The following ZKSCAN3 variants were observed in gnomAD, a reference collection of about 807,000 sequenced individuals.
ZKSCAN3 encodes the protein zinc finger with KRAB and SCAN domains 3.
Under a neutral mutation model 30.7 loss-of-function variants are expected in ZKSCAN3, and 21 were observed. That is an observed-to-expected ratio of 0.68 (90% CI 0.49 to 0.99). ZKSCAN3 has a LOEUF of 0.99. Among genes scored for constraint, ZKSCAN3 ranks in the 50% least tolerant of loss-of-function variants. The pLI is 0.00. For synonymous variants in ZKSCAN3, 201 were observed against 246.7 expected, an observed-to-expected ratio of 0.81 and a Z score of 1.73; for missense variants, 507 against 647.1, an observed-to-expected ratio of 0.78 and a Z score of 2.35.
In ZKSCAN3 at chr6:28,351,832, C is replaced by T. The variant is rs1765042196; in HGVS notation, c.-63+1765C>T. 6.6e-6 allele frequency among the ~76,000 whole-genome samples: 1 copy of T among 152,094 alleles called. No homozygotes were observed. On this transcript the variant is annotated intron_variant, in intron 1 of 5. Transcript: ENST00000252211. The surrounding 1 kb of genome is among the most constrained non-coding windows in gnomAD (Gnocchi z 4.6). ...AGATGGAAACATTTTAGTTCACTCA[C>T]AAGTACAAGTACTTCAGTGTCAATT...
At chr6:28,361,003 G>A (rs1487153046) in intron 2 of ZKSCAN3, among the ~76,000 whole-genome samples, 1 of 137,042 alleles carries the variant, frequency 7.3e-6, no homozygotes, top group Non-Finnish European at 1.6e-5. Context: ...TGAGAATTTT[G>A]CACCAGTTTC....
At chr6:28,361,219 A>T in intron 2 of ZKSCAN3, 105 bp from the exon 3 acceptor site, 2 of 1,252,144 alleles carry the variant, frequency 1.6e-6, no homozygotes, top group Non-Finnish European at 2.2e-6. Flanking sequence ...TTTCTGCGTT[A>T]AATGAGTTAA....
intron 5 of ZKSCAN3, 89 bp from the exon 6 acceptor site, chr6:28,365,337 G>T: frequency 2.0e-6 from 3 of 1,501,482 alleles, no homozygotes; most frequent in Non-Finnish European, 2.7e-6. Context: ...GGCATTTATA[G>T]ACCTCTGTAA....
At chr6:28,360,857 A>T (rs1247171589) in intron 2 of ZKSCAN3, among the ~76,000 whole-genome samples, 1 of 152,230 alleles carries the variant, frequency 6.6e-6, no homozygotes, top group Non-Finnish European at 1.5e-5. Context: ...AATGTCTGGA[A>T]GGAAACCTGC....
chr6:28,360,913 G>T (rs1289696987), intron 2 of ZKSCAN3, among the ~76,000 whole-genome samples: 2 of 152,192 alleles, frequency 1.3e-5, no homozygotes, highest in Non-Finnish European at 2.9e-5. Flanking sequence ...CACGTACTGT[G>T]ATGTTGTTTG....
chr6:28,359,848 C>A lies in ZKSCAN3; in HGVS notation c.262C>A (p.Leu88Met). The A allele has an allele frequency of 6.2e-7, 1 of 1,608,960 alleles. No individual in the cohort carries two copies. The highest frequency in any genetic ancestry group is 8.5e-7 in the Non-Finnish European group (1 of 1,176,174). The change falls in exon 2 of 6, where the codon CTG becomes ATG. Residue 88 changes from leucine to methionine, a missense_variant. Leu to Met is a conservative substitution (Grantham distance 15). Coordinates refer to ENST00000252211, the MANE Select transcript of ZKSCAN3 (RefSeq NM_024493.4). ...GCACAGCAAGGAGCAGATCCTGGAG[C>A]TGCTGGTGCTGGAGCAGTTCCTGAC... ...EMHSKEQILELLVLEQFLTIL... is the reference protein window; with the variant it reads ...EMHSKEQILEMLVLEQFLTIL...
chr6:28,364,231 C>T (rs535931142), intron 5 of ZKSCAN3, among the ~76,000 whole-genome samples: 2 of 152,252 alleles, frequency 1.3e-5, no homozygotes, highest in Admixed American at 1.3e-4. Flanking sequence ...CTGCCTTGTC[C>T]CCTCAAAATG....
In ZKSCAN3 at chr6:28,366,123, T is replaced by A. The variant is rs1175410081; in HGVS notation, c.1455T>A (p.Cys485Ter). Residue 485 changes from cysteine (C) to a stop codon, truncating the protein, a stop_gained, in exon 6 of 6, where the codon TGT (cysteine) becomes TGA (stop). Transcript: ENST00000252211. LOFTEE classifies it low-confidence loss of function (END_TRUNC). ...ETPMSYKCNE[C>*]ERSFTQNTGL... ...CCATGTCTTATAAATGTAATGAGTGTGAAAGAAGTTTCACTCAGAATACAG... is the reference window on the plus strand; with the variant it reads ...CCATGTCTTATAAATGTAATGAGTGAGAAAGAAGTTTCACTCAGAATACAG... 1 of 1,610,686 alleles carries A rather than the reference T, an allele frequency of 6.2e-7. No homozygotes were observed. The highest frequency in any genetic ancestry group is 1.3e-5 in the African/African-American group (1 of 74,542).
Position 28,352,964 on chromosome 6 carries a change from C to CTT in ZKSCAN3, c.-63+2913_-63+2914dup, listed in dbSNP as rs5875156. Among the ~76,000 whole-genome samples, 222 of 129,888 alleles carry CTT rather than the reference C, an allele frequency of 1.7e-3. 3 individuals are homozygous for CTT. In the East Asian group the frequency reaches 0.038, roughly 22 times the overall value. The allele number at this position is 129,888 out of a possible 152,430, so 85.2% of individuals were successfully genotyped here. ...CTTACATTTCTTTTCTTTTCTTTTTCTTTTTTTTTTTTTTTTTGAGGCAGA... is the reference window on the plus strand; with the variant it reads ...CTTACATTTCTTTTCTTTTCTTTTTCTTTTTTTTTTTTTTTTTTTGAGGCAGA... On this transcript the variant is annotated intron_variant, in intron 1 of 5. Transcript: ENST00000252211.
intron 1 of ZKSCAN3, 29 bp from the exon 2 acceptor site, chr6:28,359,496 C>CTGGT: frequency 2.7e-6 from 4 of 1,500,856 alleles, no homozygotes; most frequent in Non-Finnish European, 3.6e-6. Flanking sequence ...TGCAAGTTTA[C>CTGGT]TGGTTAATAA....
chr6:28,353,582 ATT>A (rs1765207322), intron 1 of ZKSCAN3: 1 of 272,572 alleles, frequency 3.7e-6, no homozygotes, highest in African/African-American at 2.2e-5. Context: ...GAAGGAGTAG[ATT>A]AGGAAGCAAG....
At chr6:28,358,027 T>G (rs1765539134) in intron 1 of ZKSCAN3, among the ~76,000 whole-genome samples, 1 of 152,214 alleles carries the variant, frequency 6.6e-6, no homozygotes, top group Non-Finnish European at 1.5e-5. Flanking sequence ...TTCTTCCCCT[T>G]ACTACAGTAC....
chr6:28,359,729 G>A lies in ZKSCAN3; in HGVS notation c.143G>A (p.Arg48His). The A allele has an allele frequency of 1.2e-6, 2 of 1,614,124 alleles. No homozygotes were observed. The highest frequency in any genetic ancestry group is 1.7e-4 in the Middle Eastern group (1 of 6,058). The change falls in exon 2 of 6, where the codon CGC (arginine) becomes CAC (histidine). Residue 48 changes from arginine (R) to histidine (H), a missense_variant. Physicochemically the swap from Arg to His is conservative, Grantham distance 29 (BLOSUM62 0). Transcript: ENST00000252211. Reference sequence around the variant, plus strand: ...CTGGGTTCTGAGGGCTCCCGCGAGCGCTTCCGAGGCTTCCGCTACCCGGAG... The same window carrying A: ...CTGGGTTCTGAGGGCTCCCGCGAGCACTTCCGAGGCTTCCGCTACCCGGAG... ...PDLGSEGSRE[R>H]FRGFRYPEAA...
At chr6:28,356,046 C>A (rs776587257) in intron 1 of ZKSCAN3, 29 of 152,416 alleles carry the variant, frequency 1.9e-4, no homozygotes, top group Non-Finnish European at 3.4e-4. Context: ...TTTCACTGAC[C>A]AGCTTTCATA....
intron 1 of ZKSCAN3, among the ~76,000 whole-genome samples, chr6:28,359,318 T>C (rs1308467612): frequency 6.6e-6 from 1 of 152,012 alleles, no homozygotes; most frequent in Non-Finnish European, 1.5e-5. Context: ...GTCAGGGGCT[T>C]GGGGGTGTCC....
chr6:28,353,836 T>C (rs1417018341), intron 1 of ZKSCAN3: 1 of 456,992 alleles, frequency 2.2e-6, no homozygotes, highest in East Asian at 6.9e-5. Flanking sequence ...AATTATACTA[T>C]TAGCCAACAT....
At chr6:28,354,006 A>G in intron 1 of ZKSCAN3, 1 of 453,320 alleles carries the variant, frequency 2.2e-6, no homozygotes, top group Non-Finnish European at 4.4e-6. Context: ...CAGCTCTCAC[A>G]CTGTCTGCCT....
At chr6:28,357,413 A>G (rs1765501482) in intron 1 of ZKSCAN3, among the ~76,000 whole-genome samples, 1 of 152,244 alleles carries the variant, frequency 6.6e-6, no homozygotes, top group Non-Finnish European at 1.5e-5. Flanking sequence ...ACCTGGCTTC[A>G]GAACACTTAA....
Position 28,365,886 on chromosome 6 carries a change from C to T in ZKSCAN3, c.1218C>T (p.Thr406=), listed in dbSNP as rs753274190. ...ATGAGTGTGATGACTGTGGGAAGACCTTCAGCCAGAGCTGCAGCCTCCTTG... is the reference window on the plus strand; with the variant it reads ...ATGAGTGTGATGACTGTGGGAAGACTTTCAGCCAGAGCTGCAGCCTCCTTG... ...KPYECDDCGK[T]FSQSCSLLEH... is the part of the protein sequence containing the mutation. The change falls in exon 6 of 6, where the codon ACC becomes ACT. Residue 406 remains threonine, a synonymous_variant. Transcript: ENST00000252211. 9.3e-6 allele frequency: 15 copies of T among 1,613,346 alleles called. No individual in the cohort carries two copies. Among genetic ancestry groups the T allele is most frequent in the Non-Finnish European group, 1.3e-5 (15 of 1,179,600 alleles).
Sources: allele counts gnomAD v4.1 joint callset (sites outside exome capture counted in the v4.1 genomes callset), GRCh38; gene constraint gnomAD v4.1.1; non-coding constraint Gnocchi (gnomAD v3.1); transcripts MANE v1.5; gene names NCBI Gene and HGNC (gene_info 2026-07-23, HGNC 2026-07-21).